The following ZNF827 variants were observed in gnomAD, a reference collection of about 807,000 sequenced individuals.
The protein encoded by ZNF827 is zinc finger protein 827.
In ZNF827, 13 loss-of-function variants were observed where a neutral mutation model predicts 102.4. The observed-to-expected ratio is 0.13, with a 90% confidence interval of 0.08 to 0.20. The LOEUF (loss-of-function observed/expected upper bound fraction) is 0.20. ZNF827 is among the 10% of genes least tolerant of loss of function. The pLI, the probability that ZNF827 is intolerant of heterozygous loss-of-function variation, is 1.00. For missense variants in ZNF827, 1,103 were observed against 1,344.4 expected, an observed-to-expected ratio of 0.82 and a Z score of 2.81; for synonymous variants, 523 against 536.2, an observed-to-expected ratio of 0.98 and a Z score of 0.34.
chr4:145,911,666 C>T (rs1376915204), intron 1 of ZNF827, among the ~76,000 whole-genome samples: 2 of 152,200 alleles, frequency 1.3e-5, no homozygotes, highest in Non-Finnish European at 2.9e-5. Flanking sequence ...CTCTATATGA[C>T]TAGTCTCTAG....
chr4:145,787,464 G>GAAAAAA (rs35041321), intron 8 of ZNF827, among the ~76,000 whole-genome samples: 2 of 83,208 alleles, frequency 2.4e-5, no homozygotes. Context: ...TCCGTCTCAG[G>GAAAAAA]AAAAAAAAAA....
At chr4:145,771,634 G>A (rs751521738) in intron 11 of ZNF827, among the ~76,000 whole-genome samples, 2 of 152,158 alleles carry the variant, frequency 1.3e-5, no homozygotes, top group Non-Finnish European at 2.9e-5. Flanking sequence ...ATCACTAAGC[G>A]GAAATGCCTA....
intron 7 of ZNF827, among the ~76,000 whole-genome samples, chr4:145,843,593 C>G (rs779657475): frequency 1.3e-5 from 2 of 152,128 alleles, no homozygotes; most frequent in African/African-American, 4.8e-5. Flanking sequence ...TATGGTCTTG[C>G]AGCACATCTT....
intron 5 of ZNF827, among the ~76,000 whole-genome samples, chr4:145,850,010 A>G (rs558220560): frequency 1.3e-4 from 19 of 142,286 alleles, no homozygotes; most frequent in African/African-American, 4.6e-4. Flanking sequence ...TTCTCCCTCT[A>G]TTTTTTTTTT....
chr4:145,760,773 C>T lies in ZNF827; in HGVS notation c.*843G>A, dbSNP rs1054378227. The T allele has an allele frequency of 2.7e-5, 30 of 1,112,318 alleles. No individual in the cohort carries two copies. In the South Asian group the frequency reaches 6.1e-4, roughly 23 times the overall value. 68.9% of individuals were successfully genotyped at this position (1,112,318 alleles called of 1,614,324 possible). ...TCTCTGTTTTTGGTACAGAACATGGCTGCCCTCAGACAGTCTCTGCTCTTT... is the reference window on the plus strand; with the variant it reads ...TCTCTGTTTTTGGTACAGAACATGGTTGCCCTCAGACAGTCTCTGCTCTTT... On this transcript the variant is annotated 3_prime_UTR_variant, in exon 15 of 15. Coordinates refer to ENST00000508784, the MANE Select transcript of ZNF827 (RefSeq NM_001306215.2).
At chr4:145,900,325 T>C (rs1751313715) in intron 2 of ZNF827, among the ~76,000 whole-genome samples, 1 of 152,218 alleles carries the variant, frequency 6.6e-6, no homozygotes, top group Non-Finnish European at 1.5e-5. Flanking sequence ...CTAACAAATG[T>C]CCAGATGAAT....
At chr4:145,832,962 T>C (rs1044387943) in intron 7 of ZNF827, 6 of 154,262 alleles carry the variant, frequency 3.9e-5, no homozygotes, top group African/African-American at 1.4e-4. Flanking sequence ...ACAACCATGT[T>C]GCTCACACAA....
chr4:145,936,637 C>G (rs369851835), intron 1 of ZNF827, among the ~76,000 whole-genome samples: 10 of 152,246 alleles, frequency 6.6e-5, no homozygotes, highest in Admixed American at 1.3e-4. Flanking sequence ...CCCGCGCCCC[C>G]CTCCCGGTCC....
chr4:145,847,921 C>T (rs927956017), intron 6 of ZNF827, among the ~76,000 whole-genome samples: 19 of 152,128 alleles, frequency 1.2e-4, no homozygotes, highest in African/African-American at 4.6e-4. Flanking sequence ...TGACAATGAG[C>T]GTGAATTTGG....
At chr4:145,867,207 A>G (rs1748292246) in intron 5 of ZNF827, among the ~76,000 whole-genome samples, 1 of 152,232 alleles carries the variant, frequency 6.6e-6, no homozygotes, top group Non-Finnish European at 1.5e-5. Flanking sequence ...CCCAGCTGTC[A>G]GGCATTCAAC....
At chr4:145,815,263 A>G (rs1044622152) in intron 8 of ZNF827, among the ~76,000 whole-genome samples, 35 of 152,358 alleles carry the variant, frequency 2.3e-4, no homozygotes, top group African/African-American at 7.7e-4. Context: ...GGTGAACCTC[A>G]TATCATGCGA....
At chr4:145,893,817 G>A (rs1036126729) in intron 2 of ZNF827, among the ~76,000 whole-genome samples, 1 of 152,018 alleles carries the variant, frequency 6.6e-6, no homozygotes, top group African/African-American at 2.4e-5. Flanking sequence ...ACACACCAAC[G>A]GGATGAAATC....
chr4:145,761,879 G>A lies in ZNF827; in HGVS notation c.*18-281C>T, dbSNP rs1734566735. Among the ~76,000 whole-genome samples the A allele has an allele frequency of 6.6e-6, 1 of 152,226 alleles. No homozygotes were observed. The highest frequency in any genetic ancestry group is 1.5e-5 in the Non-Finnish European group (1 of 68,038). On this transcript the variant is annotated intron_variant, in intron 14 of 14. Transcript: ENST00000508784. This position sits in a 1 kb window ranked among gnomAD's most constrained non-coding sequence, Gnocchi z 6.8. ...GCAAGGCCAGCCCTCACCAAGGGGA[G>A]CAGAGAAAGTGCCAGGAATCAATTT...
chr4:145,830,071 G>A (rs1744058951), intron 7 of ZNF827, among the ~76,000 whole-genome samples: 2 of 152,144 alleles, frequency 1.3e-5, no homozygotes, highest in Admixed American at 6.5e-5. Context: ...TCTGACTTTA[G>A]TTCAAACATC....
At chr4:145,928,399 G>A (rs1753583038) in intron 1 of ZNF827, among the ~76,000 whole-genome samples, 1 of 152,198 alleles carries the variant, frequency 6.6e-6, no homozygotes, top group African/African-American at 2.4e-5. Flanking sequence ...TGGGTTGGCT[G>A]ATGGTGATCA....
rs1291291155 is a variant in ZNF827 at position 145,872,170 on chromosome 4, G to A, written c.1748-1692C>T. On this transcript the variant is annotated intron_variant, in intron 4 of 14. Transcript: ENST00000508784. Reference sequence around the variant, plus strand: ...ATAACCTACTGTTATGGACTCAATTGTGTCCCTTCATATGTCGAAGCCCTA... The same window carrying A: ...ATAACCTACTGTTATGGACTCAATTATGTCCCTTCATATGTCGAAGCCCTA... Among the ~76,000 whole-genome samples the A allele has an allele frequency of 3.9e-5, 6 of 152,222 alleles. No homozygotes were observed. In the East Asian group the frequency reaches 1.2e-3, roughly 29 times the overall value.
At chr4:145,840,474 G>A (rs1025579781) in intron 7 of ZNF827, among the ~76,000 whole-genome samples, 1 of 152,192 alleles carries the variant, frequency 6.6e-6, no homozygotes. Flanking sequence ...CTAACTGAAG[G>A]GACTCTGTGA....
intron 5 of ZNF827, among the ~76,000 whole-genome samples, chr4:145,867,033 C>T (rs186430812): frequency 4.6e-5 from 7 of 152,312 alleles, no homozygotes; most frequent in African/African-American, 1.7e-4. Flanking sequence ...GAGATTTCGG[C>T]CTCCTTGAAT....
chr4:145,879,758 C>G (rs1749508778), intron 4 of ZNF827, among the ~76,000 whole-genome samples: 1 of 152,224 alleles, frequency 6.6e-6, no homozygotes, highest in Non-Finnish European at 1.5e-5. Flanking sequence ...ACTATTAACA[C>G]AAATTCTAAA....
Sources: allele counts gnomAD v4.1 joint callset (sites outside exome capture counted in the v4.1 genomes callset), GRCh38; gene constraint gnomAD v4.1.1; non-coding constraint Gnocchi (gnomAD v3.1); transcripts MANE v1.5; gene names NCBI Gene and HGNC (gene_info 2026-07-23, HGNC 2026-07-21).